The following NMNAT2 variants were observed in gnomAD, a reference collection of about 807,000 sequenced individuals.
NMNAT2 encodes the protein nicotinamide nucleotide adenylyltransferase 2.
In NMNAT2, 11 loss-of-function variants were observed where a neutral mutation model predicts 41.6. The observed-to-expected ratio is 0.26, with a 90% CI of 0.17 to 0.44. The LOEUF is 0.44. NMNAT2 is among the 20% of genes least tolerant of loss of function. NMNAT2 has a pLI of 1.00. For missense variants in NMNAT2, 288 were observed against 407.7 expected, an observed-to-expected ratio of 0.71 and a Z score of 2.53; for synonymous variants, 148 against 151.2, an observed-to-expected ratio of 0.98 and a Z score of 0.16.
intron 1 of NMNAT2, among the ~76,000 whole-genome samples, chr1:183,390,099 T>A (rs956685905): frequency 6.6e-6 from 1 of 152,028 alleles, no homozygotes; most frequent in African/African-American, 2.4e-5. Flanking sequence ...ACTACACTAC[T>A]GTGGGCAGCA....
At chr1:183,397,841 T>C (rs528893586) in intron 1 of NMNAT2, among the ~76,000 whole-genome samples, 1 of 152,226 alleles carries the variant, frequency 6.6e-6, no homozygotes, top group South Asian at 2.1e-4. Flanking sequence ...AATAAAATCC[T>C]TTACAGACAA....
At chr1:183,289,009 C>G (rs1293217743) in intron 4 of NMNAT2, among the ~76,000 whole-genome samples, 1 of 152,230 alleles carries the variant, frequency 6.6e-6, no homozygotes, top group Non-Finnish European at 1.5e-5. Flanking sequence ...AGCTGGTCCT[C>G]TCTACCTCAC....
chr1:183,254,609 T>G (rs1327786120), intron 10 of NMNAT2, among the ~76,000 whole-genome samples: 3 of 152,014 alleles, frequency 2.0e-5, no homozygotes, highest in African/African-American at 7.3e-5. Flanking sequence ...GGCTAATTTT[T>G]TTTTGGTGGG....
At chr1:183,337,758 G>T (rs2102342769) in intron 1 of NMNAT2, among the ~76,000 whole-genome samples, 1 of 152,102 alleles carries the variant, frequency 6.6e-6, no homozygotes, top group African/African-American at 2.4e-5. Context: ...GATACCTTTT[G>T]CCATCAATAC....
chr1:183,252,555 G>GGAGATGGAGAAACAGAGAGGCAGGA lies in NMNAT2; in HGVS notation c.*61_*85dup, dbSNP rs1414628583. 1 of 968,118 alleles carries GGAGATGGAGAAACAGAGAGGCAGGA rather than the reference G, an allele frequency of 1.0e-6. No homozygotes were observed. The highest frequency in any genetic ancestry group is 1.7e-6 in the Non-Finnish European group (1 of 592,310). The allele number at this position is 968,118 out of a possible 1,614,324, so 60.0% of individuals were successfully genotyped here. A position where few individuals can be genotyped will look rare whatever the true frequency, so the allele number is the denominator to read the frequency against. ...CAAGTAGGGAAAACAGTCAAGACGAGGAGATGGAGAAACAGAGAGGCAGGA... is the reference window on the plus strand; with the variant it reads ...CAAGTAGGGAAAACAGTCAAGACGAGGAGATGGAGAAACAGAGAGGCAGGAGAGATGGAGAAACAGAGAGGCAGGA... On this transcript the variant is annotated 3_prime_UTR_variant, in exon 11 of 11. Coordinates refer to ENST00000287713, the MANE Select transcript of NMNAT2 (RefSeq NM_015039.4).
intron 1 of NMNAT2, among the ~76,000 whole-genome samples, chr1:183,360,136 T>C (rs1663275486): frequency 6.6e-6 from 1 of 152,164 alleles, no homozygotes. Flanking sequence ...CTTTCCATTA[T>C]GAAAATGCTC....
At chr1:183,334,060 T>C (rs1290973337) in intron 1 of NMNAT2, among the ~76,000 whole-genome samples, 2 of 152,224 alleles carry the variant, frequency 1.3e-5, no homozygotes, top group African/African-American at 4.8e-5. Context: ...ACGATGCCTC[T>C]TCCTCACCGT....
intron 1 of NMNAT2, among the ~76,000 whole-genome samples, chr1:183,416,174 A>T (rs540074668): frequency 2.6e-5 from 4 of 152,354 alleles, no homozygotes; most frequent in Admixed American, 1.3e-4. Context: ...GTTAACAAAG[A>T]ATCTTCAGCT....
At position 183,402,456 on chromosome 1, in the gene NMNAT2, T is replaced by G. The variant is rs1648837806; in HGVS notation, c.85+15727A>C. ...TTGTTAGGCTTCCCTAAAATTTGTC[T>G]GTATAAATGGTTTCAAACTTCTACA... On this transcript the variant is annotated intron_variant, in intron 1 of 10. Transcript: ENST00000287713. Among the ~76,000 whole-genome samples the G allele has an allele frequency of 1.3e-5, 2 of 152,304 alleles. 1 individual carries two copies. The highest frequency in any genetic ancestry group is 3.9e-4 in the East Asian group (2 of 5,146).
chr1:183,298,999 A>G (rs1661777003), intron 1 of NMNAT2, among the ~76,000 whole-genome samples: 1 of 152,254 alleles, frequency 6.6e-6, no homozygotes, highest in Non-Finnish European at 1.5e-5. Flanking sequence ...TACGGGAAAC[A>G]ACCCAAATGT....
rs533741762 is a variant in NMNAT2, at chr1:183,306,358, T to G, written c.86-12565A>C. Reference sequence around the variant, plus strand: ...GATTTTTCCAGAAAGAATGTTTTCTTCCAGAAAACATTCTTTGATTTTCAA... The same window carrying G: ...GATTTTTCCAGAAAGAATGTTTTCTGCCAGAAAACATTCTTTGATTTTCAA... On this transcript the variant is annotated intron_variant, in intron 1 of 10. Coordinates refer to ENST00000287713, the MANE Select transcript of NMNAT2 (RefSeq NM_015039.4). 7.2e-5 allele frequency among the ~76,000 whole-genome samples: 11 copies of G among 152,292 alleles called. 1 individual carries two copies. Among genetic ancestry groups the G allele is most frequent in the Admixed American group, 4.6e-4 (7 of 15,298 alleles).
chr1:183,299,042 G>A (rs1661778170), intron 1 of NMNAT2, among the ~76,000 whole-genome samples: 1 of 152,140 alleles, frequency 6.6e-6, no homozygotes, highest in South Asian at 2.1e-4. Context: ...CTAAACTGTG[G>A]TACACCCATA....
chr1:183,256,359 A>AGATT (rs1318489796), intron 10 of NMNAT2, among the ~76,000 whole-genome samples: 1 of 152,142 alleles, frequency 6.6e-6, no homozygotes, highest in Non-Finnish European at 1.5e-5. Context: ...CAGTGAGCAG[A>AGATT]GATTGTGCCA....
At chr1:183,411,256 G>C (rs944811216) in intron 1 of NMNAT2, among the ~76,000 whole-genome samples, 10 of 152,072 alleles carry the variant, frequency 6.6e-5, no homozygotes, top group Non-Finnish European at 1.2e-4. Flanking sequence ...TATCATTCCT[G>C]GCAGTAAGTC....
intron 1 of NMNAT2, among the ~76,000 whole-genome samples, chr1:183,403,015 A>T (rs1319906201): frequency 6.6e-6 from 1 of 150,632 alleles, no homozygotes; most frequent in African/African-American, 2.4e-5. Context: ...CTCACTGCAA[A>T]CTCCGCCTCC....
chr1:183,280,775 ATTTTTTTTTTTTTTT>A (rs138238837), intron 7 of NMNAT2, among the ~76,000 whole-genome samples: 5 of 60,960 alleles, frequency 8.2e-5, no homozygotes, highest in Non-Finnish European at 1.4e-4. Context: ...GTGTTAGTGT[ATTTTTTTTTTTTTTT>A]TTTTTTTTTT....
At chr1:183,368,704 T>G (rs137927864) in intron 1 of NMNAT2, among the ~76,000 whole-genome samples, 4 of 152,290 alleles carry the variant, frequency 2.6e-5, no homozygotes, top group Admixed American at 1.3e-4. Flanking sequence ...ACTCCATAAA[T>G]ATTTGTTGGC....
intron 8 of NMNAT2, among the ~76,000 whole-genome samples, chr1:183,272,772 C>T (rs1254188836): frequency 1.3e-5 from 2 of 152,244 alleles, no homozygotes; most frequent in Non-Finnish European, 2.9e-5. Context: ...GGCTGCTCCA[C>T]AGCCCCTTCA....
At chr1:183,311,497 T>C (rs1206753472) in intron 1 of NMNAT2, among the ~76,000 whole-genome samples, 2 of 152,120 alleles carry the variant, frequency 1.3e-5, no homozygotes, top group Admixed American at 6.5e-5. Flanking sequence ...TATTTTCTCC[T>C]GAAAGTGAAA....
Sources: gnomAD v4.1 joint callset for allele counts (sites outside exome capture counted in the v4.1 genomes callset) on GRCh38, gnomAD v4.1.1 for gene constraint, MANE v1.5 for transcripts, NCBI Gene and HGNC (gene_info 2026-07-23, HGNC 2026-07-21) for gene names.